Variants in SLC25A21 observed in about 807,000 individuals in gnomAD.
SLC25A21 encodes the protein solute carrier family 25 member 21.
Under a neutral mutation model 43.8 loss-of-function variants are expected in SLC25A21, and 47 were observed. The observed-to-expected ratio is 1.07, with a 90% CI of 0.85 to 1.37. The LOEUF is 1.37. SLC25A21 is among the 40% of genes most tolerant of loss of function. The probability of loss-of-function intolerance (pLI) is 0.00; values close to 1 mark genes in which losing one functional copy is unlikely to be tolerated. For missense variants in SLC25A21, 352 were observed against 350.2 expected, an observed-to-expected ratio of 1.00 and a Z score of -0.04; for synonymous variants, 131 against 121.3, an observed-to-expected ratio of 1.08 and a Z score of -0.52.
intron 1 of SLC25A21, among the ~76,000 whole-genome samples, chr14:37,070,465 T>C (rs567664796): frequency 1.3e-5 from 2 of 152,138 alleles, no homozygotes; most frequent in African/African-American, 2.4e-5. Flanking sequence ...TCAGAAAGCA[T>C]AGTTTGTATG....
intron 3 of SLC25A21, among the ~76,000 whole-genome samples, chr14:36,784,632 T>C (rs1340631176): frequency 2.6e-5 from 4 of 152,212 alleles, no homozygotes; most frequent in Non-Finnish European, 5.9e-5. Context: ...CAGAGCTCTA[T>C]GCTAAGACCA....
At chr14:36,720,361 A>G (rs2139203726) in intron 6 of SLC25A21, among the ~76,000 whole-genome samples, 1 of 152,374 alleles carries the variant, frequency 6.6e-6, no homozygotes, top group South Asian at 2.1e-4. Flanking sequence ...AGAAATAGGA[A>G]AACCCAAAAT....
intron 1 of SLC25A21, among the ~76,000 whole-genome samples, chr14:37,021,224 G>A (rs970560905): frequency 6.6e-6 from 1 of 151,930 alleles, no homozygotes; most frequent in African/African-American, 2.4e-5. Flanking sequence ...GATGTAAAGA[G>A]AACTAATGAC....
chr14:37,159,505 T>C (rs1168114193), intron 1 of SLC25A21, among the ~76,000 whole-genome samples: 1 of 152,098 alleles, frequency 6.6e-6, no homozygotes, highest in Non-Finnish European at 1.5e-5. Context: ...AAAATGGTAC[T>C]AGGAAAATTG....
chr14:37,048,509 G>A (rs1298061300), intron 1 of SLC25A21, among the ~76,000 whole-genome samples: 1 of 151,976 alleles, frequency 6.6e-6, no homozygotes, highest in Admixed American at 6.6e-5. Flanking sequence ...TACATTTTAA[G>A]GAGAAAGTGG....
chr14:36,883,951 C>T (rs752758710), intron 1 of SLC25A21, among the ~76,000 whole-genome samples: 1 of 152,028 alleles, frequency 6.6e-6, no homozygotes, highest in Non-Finnish European at 1.5e-5. Context: ...ATGAACATAT[C>T]CATCACTTCA....
chr14:36,798,027 G>C (rs1050635019), intron 3 of SLC25A21, among the ~76,000 whole-genome samples: 4 of 152,144 alleles, frequency 2.6e-5, no homozygotes, highest in Non-Finnish European at 5.9e-5. Context: ...TTTAACTGGA[G>C]GCTGTTGAAA....
chr14:37,041,276 T>C (rs1017562213), intron 1 of SLC25A21, among the ~76,000 whole-genome samples: 2 of 152,188 alleles, frequency 1.3e-5, no homozygotes, highest in Non-Finnish European at 2.9e-5. Flanking sequence ...CAGAACTAAT[T>C]CATTATTTGC....
At chr14:37,031,770 A>G (rs1961216037) in intron 1 of SLC25A21, among the ~76,000 whole-genome samples, 1 of 152,164 alleles carries the variant, frequency 6.6e-6, no homozygotes, top group Admixed American at 6.5e-5. Context: ...CACAGCCATC[A>G]TTTTACATAT....
intron 1 of SLC25A21, among the ~76,000 whole-genome samples, chr14:36,989,471 G>A (rs1262684371): frequency 2.0e-5 from 3 of 151,360 alleles, no homozygotes; most frequent in Admixed American, 2.0e-4. Flanking sequence ...GTATGATGAT[G>A]TCCTTGGGTG....
chr14:36,981,704 G>A (rs935771209), intron 1 of SLC25A21, among the ~76,000 whole-genome samples: 4 of 152,148 alleles, frequency 2.6e-5, no homozygotes, highest in Admixed American at 2.0e-4. Flanking sequence ...GGGGGGAAAA[G>A]GGAGGGATAG....
chr14:36,979,599 A>G (rs1594734243), intron 1 of SLC25A21, among the ~76,000 whole-genome samples: 3 of 152,090 alleles, frequency 2.0e-5, no homozygotes, highest in Admixed American at 6.5e-5. Flanking sequence ...TCAGTGATCC[A>G]CCTATCTTGA....
At chr14:37,072,014 T>C (rs1363081815) in intron 1 of SLC25A21, among the ~76,000 whole-genome samples, 1 of 151,634 alleles carries the variant, frequency 6.6e-6, no homozygotes, top group Non-Finnish European at 1.5e-5. Flanking sequence ...AAACCTCATC[T>C]CTATTTAAAA....
chr14:37,105,639 TA>T (rs1962897184), intron 1 of SLC25A21, among the ~76,000 whole-genome samples: 1 of 152,184 alleles, frequency 6.6e-6, no homozygotes, highest in African/African-American at 2.4e-5. Context: ...TGAAAGCAGA[TA>T]TCCTGAGTTA....
At position 36,680,656 on chromosome 14, in the gene SLC25A21, A is replaced by AAT. The variant is rs746891037; in HGVS notation, c.900_*1dup. On this transcript the variant is annotated 3_prime_UTR_variant, in exon 10 of 10. Transcript: ENST00000331299. ...CAAGGGGGAAAAACACTTCATAGGCAATCACCAGTTCTCTTGAAGCCATGA... is the reference window on the plus strand; with the variant it reads ...CAAGGGGGAAAAACACTTCATAGGCAATATCACCAGTTCTCTTGAAGCCATGA... 3.1e-6 allele frequency: 5 copies of AAT among 1,612,216 alleles called. No individual in the cohort carries two copies. Among genetic ancestry groups the AAT allele is most frequent in the Non-Finnish European group, 4.2e-6 (5 of 1,179,168 alleles).
At chr14:36,776,860 G>A (rs764907304) in intron 3 of SLC25A21, among the ~76,000 whole-genome samples, 1 of 152,134 alleles carries the variant, frequency 6.6e-6, no homozygotes, top group African/African-American at 2.4e-5. Flanking sequence ...TCCTGTCTCA[G>A]AGAATTAGAG....
At chr14:37,016,546 A>G (rs578022961) in intron 1 of SLC25A21, among the ~76,000 whole-genome samples, 9 of 152,024 alleles carry the variant, frequency 5.9e-5, no homozygotes, top group Non-Finnish European at 8.8e-5. Context: ...GATTTTTGGC[A>G]TAATTCTTAA....
At chr14:36,755,514 T>A (rs1268025061) in intron 3 of SLC25A21, among the ~76,000 whole-genome samples, 2 of 152,158 alleles carry the variant, frequency 1.3e-5, no homozygotes, top group African/African-American at 2.4e-5. Flanking sequence ...GGCATGGCAA[T>A]GCATCTGTGC....
At chr14:37,089,756 T>C (rs911575736) in intron 1 of SLC25A21, among the ~76,000 whole-genome samples, 1 of 152,242 alleles carries the variant, frequency 6.6e-6, no homozygotes. Flanking sequence ...CCTCCTATGA[T>C]GACGGAGATA....
Sources: allele counts gnomAD v4.1 joint callset (sites outside exome capture counted in the v4.1 genomes callset), GRCh38; gene constraint gnomAD v4.1.1; transcripts MANE v1.5; gene names NCBI Gene and HGNC (gene_info 2026-07-23, HGNC 2026-07-21).